The following JDP2 variants were observed in gnomAD, a reference collection of about 807,000 sequenced individuals.
JDP2 encodes Jun dimerization protein 2.
JDP2 carries 9 observed loss-of-function variants against 17.1 expected under a neutral mutation model. That is an observed-to-expected ratio of 0.53 (90% CI 0.32 to 0.92). The LOEUF is 0.92. JDP2 is among the 40% of genes least tolerant of loss of function. The pLI, the probability that JDP2 is intolerant of heterozygous loss-of-function variation, is 0.04. For missense variants in JDP2, 179 were observed against 220.0 expected, an observed-to-expected ratio of 0.81 and a Z score of 1.18; for synonymous variants, 107 against 95.6, an observed-to-expected ratio of 1.12 and a Z score of -0.69.
intron 3 of JDP2, 37 bp from the exon 4 acceptor site, chr14:75,469,253 C>T (rs781292798): frequency 4.0e-5 from 63 of 1,593,144 alleles, no homozygotes; most frequent in Non-Finnish European, 5.1e-5. Flanking sequence ...AGCCAGTCCC[C>T]GTGAAACTCA....
At chr14:75,431,072 T>G (rs1444573364) in intron 1 of JDP2, among the ~76,000 whole-genome samples, 2 of 152,056 alleles carry the variant, frequency 1.3e-5, no homozygotes, top group African/African-American at 4.8e-5. Context: ...TTATCACACC[T>G]TGTGTGTGTG....
chr14:75,436,987 A>T (rs896120556), intron 1 of JDP2, among the ~76,000 whole-genome samples: 4 of 152,180 alleles, frequency 2.6e-5, no homozygotes, highest in African/African-American at 9.6e-5. Context: ...TGAAGCCAGG[A>T]GTTCAACACC....
At position 75,469,597 on chromosome 14, in the gene JDP2, A is replaced by G; in HGVS notation, c.*122A>G. Reference sequence around the variant, plus strand: ...CATGAAAAACTGTACAATGAGGTTCAGCACAGCCAGCATCAGCCGAGCTTT... The same window carrying G: ...CATGAAAAACTGTACAATGAGGTTCGGCACAGCCAGCATCAGCCGAGCTTT... On this transcript the variant is annotated 3_prime_UTR_variant, in exon 4 of 4. Transcript: ENST00000651602. 1 of 803,440 alleles carries G rather than the reference A, an allele frequency of 1.2e-6. No individual in the cohort carries two copies. Among genetic ancestry groups the G allele is most frequent in the Non-Finnish European group, 1.9e-6 (1 of 517,142 alleles). 49.8% of individuals were successfully genotyped at this position (803,440 alleles called of 1,614,324 possible). A position where few individuals can be genotyped will look rare whatever the true frequency, so the allele number is the denominator to read the frequency against.
At chr14:75,435,679 G>A (rs1200361890) in intron 1 of JDP2, among the ~76,000 whole-genome samples, 1 of 152,162 alleles carries the variant, frequency 6.6e-6, no homozygotes, top group Non-Finnish European at 1.5e-5. Context: ...TCAAAATGAG[G>A]ATGTGGTTTA....
chr14:75,454,752 C>T (rs897028446), intron 2 of JDP2, among the ~76,000 whole-genome samples: 12 of 151,980 alleles, frequency 7.9e-5, no homozygotes, highest in South Asian at 2.1e-4. Context: ...AGTACAAACC[C>T]GGGGGACAGG....
intron 2 of JDP2, among the ~76,000 whole-genome samples, chr14:75,460,648 G>A (rs1886312765): frequency 6.6e-6 from 1 of 152,232 alleles, no homozygotes; most frequent in African/African-American, 2.4e-5. Context: ...CTCTGTGTGA[G>A]TAGATTTGCC....
At position 75,470,152 on chromosome 14, in the gene JDP2, C is replaced by T. The variant is rs1430881141; in HGVS notation, c.*677C>T. On this transcript the variant is annotated 3_prime_UTR_variant, in exon 4 of 4. Transcript: ENST00000651602. ...GCTGTCCTGGCAGGGCTTTCAACTGCACATGTTTTTTATACTTTCCTTTTT... is the reference window on the plus strand; with the variant it reads ...GCTGTCCTGGCAGGGCTTTCAACTGTACATGTTTTTTATACTTTCCTTTTT... The T allele has an allele frequency of 6.6e-6, 1 of 151,418 alleles. No homozygotes were observed. The highest frequency in any genetic ancestry group is 1.5e-5 in the Non-Finnish European group (1 of 67,844). The allele number at this position is 151,418 out of a possible 1,614,324, so 9.4% of individuals were successfully genotyped here.
rs1182135733 is a variant in JDP2, at chr14:75,469,353, G to A, written c.370G>A (p.Glu124Lys). The A allele has an allele frequency of 1.9e-6, 3 of 1,614,182 alleles. No homozygotes were observed. The highest frequency in any genetic ancestry group is 2.5e-6 in the Non-Finnish European group (3 of 1,180,024). ...GACCCAGATTGAGGAGCTGAAGCAG[G>A]AGCGGCAGCAGCTCATCCTGATGCT... The part of the protein sequence containing the change: ...LKTQIEELKQ[E>K]RQQLILMLNR... Residue 124 changes from glutamate (E) to lysine (K), a missense_variant, in exon 4 of 4, where the codon GAG becomes AAG. By Grantham distance (56) the Glu-to-Lys change is moderately conservative. Coordinates refer to ENST00000651602, the MANE Select transcript of JDP2 (RefSeq NM_001135048.2).
rs138858177 is a variant in JDP2 at position 75,445,299 on chromosome 14, G to A, written c.201+7178G>A. On this transcript the variant is annotated intron_variant, in intron 2 of 3. Transcript: ENST00000651602. ...GGATGTGAAAGTGCTGGGAGTGAGG[G>A]CCTGGGCCTCCTCTGGGTTTAGCCA... 7.3e-3 allele frequency: 7,238 copies of A among 985,502 alleles called. 31 individuals carry two copies. The highest frequency in any genetic ancestry group is 8.0e-3 in the Non-Finnish European group (6,646 of 829,992). 61.0% of individuals were successfully genotyped at this position (985,502 alleles called of 1,614,324 possible). A position where few individuals can be genotyped will look rare whatever the true frequency, so the allele number is the denominator to read the frequency against.
intron 3 of JDP2, among the ~76,000 whole-genome samples, chr14:75,462,199 C>T (rs1886374068): frequency 6.6e-6 from 1 of 152,220 alleles, no homozygotes; most frequent in African/African-American, 2.4e-5. Flanking sequence ...CAAGTCCTGC[C>T]TCTCAGAGCT....
At chr14:75,448,164 T>TAAGGATA (rs1885692772) in intron 2 of JDP2, among the ~76,000 whole-genome samples, 1 of 152,198 alleles carries the variant, frequency 6.6e-6, no homozygotes, top group African/African-American at 2.4e-5. Context: ...TATGATGCAA[T>TAAGGATA]TGTAAGCCCT....
At chr14:75,462,243 G>C (rs550134970) in intron 3 of JDP2, among the ~76,000 whole-genome samples, 2 of 152,334 alleles carry the variant, frequency 1.3e-5, no homozygotes, top group East Asian at 3.9e-4. Flanking sequence ...CTGGCAGTGA[G>C]GGAACATGAC....
rs144624085 is a variant in JDP2, at chr14:75,468,673, G to A, written c.307-617G>A. Among the ~76,000 whole-genome samples, 444 of 152,346 alleles carry A rather than the reference G, an allele frequency of 2.9e-3. 2 individuals carry two copies. Among genetic ancestry groups the A allele is most frequent in the African/African-American group, 0.01 (425 of 41,568 alleles). The stretch of plus-strand genomic sequence containing the variant: ...CCAGCAGGATGACTGCTGATTCCCT[G>A]TCTGTGGGCAAAGCTTCCAGATTAT... On this transcript the variant is annotated intron_variant, in intron 3 of 3. Transcript: ENST00000651602.
At chr14:75,449,937 T>C (rs1885775204) in intron 2 of JDP2, among the ~76,000 whole-genome samples, 1 of 152,238 alleles carries the variant, frequency 6.6e-6, no homozygotes, top group African/African-American at 2.4e-5. Context: ...AACACAATGC[T>C]GTCTTTTCTT....
intron 2 of JDP2, among the ~76,000 whole-genome samples, chr14:75,457,375 T>C (rs1312975740): frequency 6.6e-6 from 1 of 152,208 alleles, no homozygotes; most frequent in Non-Finnish European, 1.5e-5. Flanking sequence ...GGTCCCTGTC[T>C]AGGGGTACAG....
At chr14:75,465,655 G>T (rs1259200059) in intron 3 of JDP2, among the ~76,000 whole-genome samples, 1 of 152,146 alleles carries the variant, frequency 6.6e-6, no homozygotes, top group African/African-American at 2.4e-5. Context: ...AATGCTTAAA[G>T]TCCCCTGGGC....
chr14:75,434,755 C>T (rs781137372), intron 1 of JDP2, among the ~76,000 whole-genome samples: 3 of 152,080 alleles, frequency 2.0e-5, no homozygotes, highest in Non-Finnish European at 2.9e-5. Flanking sequence ...GGGAAATACA[C>T]AGAAGCCTCT....
At chr14:75,465,795 G>A (rs1046310927) in intron 3 of JDP2, among the ~76,000 whole-genome samples, 1 of 152,178 alleles carries the variant, frequency 6.6e-6, no homozygotes, top group African/African-American at 2.4e-5. Flanking sequence ...TGCCTTTGCC[G>A]ACCACAGTGT....
At chr14:75,467,063 G>C (rs1886595493) in intron 3 of JDP2, among the ~76,000 whole-genome samples, 2 of 152,192 alleles carry the variant, frequency 1.3e-5, no homozygotes, top group South Asian at 2.1e-4. Flanking sequence ...GCTCAGAGAA[G>C]TTAAGAAACT....
Sources: gnomAD v4.1 joint callset for allele counts (sites outside exome capture counted in the v4.1 genomes callset) on GRCh38, gnomAD v4.1.1 for gene constraint, MANE v1.5 for transcripts, NCBI Gene and HGNC (gene_info 2026-07-23, HGNC 2026-07-21) for gene names.